Variants in SUGP1 observed in about 807,000 individuals in gnomAD.
SUGP1 encodes the protein SURP and G-patch domain-containing protein 1.
In SUGP1, 34 loss-of-function variants were observed where a neutral mutation model predicts 76.5. That is an observed-to-expected ratio of 0.44 (90% CI 0.34 to 0.59). SUGP1 has a LOEUF of 0.59. Among genes scored for constraint, SUGP1 ranks in the 20% least tolerant of loss-of-function variants. The probability of loss-of-function intolerance (pLI) is 0.01; values close to 1 mark genes in which losing one functional copy is unlikely to be tolerated. For missense variants in SUGP1, 752 were observed against 851.7 expected (o/e 0.88, Z 1.46); for synonymous variants, 326 against 326.2 (o/e 1.00, Z 0.01).
intron 11 of SUGP1, among the ~76,000 whole-genome samples, 180 bp from the exon 12 acceptor site, chr19:19,278,059 G>A (rs1302361626): frequency 6.6e-6 from 1 of 152,152 alleles, no homozygotes; most frequent in Non-Finnish European, 1.5e-5. Context: ...CAGGGTCCCC[G>A]GGGCCTTAGT....
At chr19:19,303,868 C>T (rs576239996) in intron 4 of SUGP1, 21 bp from the exon 5 acceptor site, 2 of 1,613,590 alleles carry the variant, frequency 1.2e-6, no homozygotes, top group Admixed American at 3.3e-5. Flanking sequence ...GCTGTCAGTA[C>T]TGGGGTTCAA....
intron 8 of SUGP1, among the ~76,000 whole-genome samples, chr19:19,294,865 A>C (rs888034087): frequency 6.6e-6 from 1 of 152,174 alleles, no homozygotes; most frequent in Admixed American, 6.6e-5. Context: ...TGTATGCATC[A>C]AAAGACGCTA....
chr19:19,296,232 T>C (rs2061224239), intron 8 of SUGP1, among the ~76,000 whole-genome samples: 1 of 152,088 alleles, frequency 6.6e-6, no homozygotes, highest in African/African-American at 2.4e-5. Flanking sequence ...GAATGTAAAA[T>C]GGTGCACCTG....
rs2094718249 is a variant in SUGP1, at chr19:19,297,173, G to A, written c.1059C>T (p.Cys353=). The A allele has an allele frequency of 6.2e-7, 1 of 1,611,180 alleles. No individual in the cohort carries two copies. Among genetic ancestry groups the A allele is most frequent in the South Asian group, 1.1e-5 (1 of 90,928 alleles). ...LSGSLPPATT[C]PASSTPAPTI... ...TGGGCGCAGGCGTGGACGAGGCGGGGCAGGTGGTGGCTGGGGGTAAGGACC... is the reference window on the plus strand; with the variant it reads ...TGGGCGCAGGCGTGGACGAGGCGGGACAGGTGGTGGCTGGGGGTAAGGACC... Residue 353 remains cysteine (C), a synonymous_variant, in exon 8 of 14, where the codon TGC becomes TGT. Transcript: ENST00000247001.
chr19:19,279,543 C>G (rs1200703035), intron 9 of SUGP1, among the ~76,000 whole-genome samples, 153 bp from the exon 10 acceptor site: 1 of 152,256 alleles, frequency 6.6e-6, no homozygotes, highest in Non-Finnish European at 1.5e-5. Context: ...CTAGCAAGTA[C>G]TGAGTACTGC....
intron 3 of SUGP1, among the ~76,000 whole-genome samples, chr19:19,309,727 G>C (rs986237875): frequency 1.3e-5 from 2 of 152,220 alleles, no homozygotes; most frequent in East Asian, 1.9e-4. Context: ...TGGATAACAT[G>C]ATGAAACCCC....
intron 7 of SUGP1, among the ~76,000 whole-genome samples, chr19:19,301,337 T>C (rs1432144913): frequency 2.0e-5 from 3 of 152,132 alleles, no homozygotes; most frequent in Admixed American, 1.3e-4. Flanking sequence ...CAGCTGAGCC[T>C]TGACCCTCCC....
intron 1 of SUGP1, among the ~76,000 whole-genome samples, chr19:19,319,400 G>A (rs1288428655): frequency 6.6e-6 from 1 of 151,570 alleles, no homozygotes; most frequent in East Asian, 2.0e-4. Flanking sequence ...CCCATAGCTG[G>A]CATTCATTGT....
chr19:19,309,713 A>T (rs1355230915), intron 3 of SUGP1, among the ~76,000 whole-genome samples: 3 of 152,162 alleles, frequency 2.0e-5, no homozygotes, highest in African/African-American at 7.2e-5. Context: ...GATCGAGACC[A>T]TCCTGGATAA....
chr19:19,318,611 G>T (rs2061412361), intron 1 of SUGP1, among the ~76,000 whole-genome samples: 1 of 151,966 alleles, frequency 6.6e-6, no homozygotes, highest in Non-Finnish European at 1.5e-5. Flanking sequence ...TTTATTTTTT[G>T]TAGAGACAGG....
intron 8 of SUGP1, among the ~76,000 whole-genome samples, chr19:19,291,485 T>TA (rs1446537219): frequency 6.6e-6 from 1 of 152,006 alleles, no homozygotes; most frequent in African/African-American, 2.4e-5. Context: ...CCCAACAAAT[T>TA]AGATAGATGA....
intron 10 of SUGP1, 121 bp from the exon 11 acceptor site, chr19:19,278,917 C>CTA (rs1334939302): frequency 1.9e-6 from 2 of 1,037,158 alleles, no homozygotes; most frequent in African/African-American, 1.6e-5. Flanking sequence ...GGGAAGGAGG[C>CTA]GGCTAGGCCA....
At chr19:19,312,383 T>C (rs1307232155) in intron 2 of SUGP1, among the ~76,000 whole-genome samples, 2 of 152,242 alleles carry the variant, frequency 1.3e-5, no homozygotes, top group African/African-American at 4.8e-5. Flanking sequence ...GCACACACTC[T>C]ACTTCTTCCA....
intron 8 of SUGP1, among the ~76,000 whole-genome samples, chr19:19,287,015 C>T (rs894887609): frequency 6.6e-6 from 1 of 152,170 alleles, no homozygotes; most frequent in African/African-American, 2.4e-5. Flanking sequence ...TGGCTCACGC[C>T]TGTAATCCCA....
At chr19:19,313,016 A>G (rs1213548352) in intron 2 of SUGP1, among the ~76,000 whole-genome samples, 3 of 151,696 alleles carry the variant, frequency 2.0e-5, no homozygotes, top group African/African-American at 7.3e-5. Context: ...AATAAAATAA[A>G]TAAATAAAAA....
intron 8 of SUGP1, among the ~76,000 whole-genome samples, chr19:19,283,134 T>G (rs918084238): frequency 6.6e-6 from 1 of 152,022 alleles, no homozygotes. Flanking sequence ...TAGATGCTAG[T>G]CTGTTTTATC....
At chr19:19,279,627 G>A (rs2061081782) in intron 9 of SUGP1, among the ~76,000 whole-genome samples, 1 of 152,220 alleles carries the variant, frequency 6.6e-6, no homozygotes, top group South Asian at 2.1e-4. Flanking sequence ...TCAGGGTCCT[G>A]ACCCCTGGGA....
chr19:19,292,177 G>A (rs1465376576), intron 8 of SUGP1, among the ~76,000 whole-genome samples: 2 of 149,888 alleles, frequency 1.3e-5, no homozygotes, highest in East Asian at 2.0e-4. Context: ...GGAGGCTGAC[G>A]TAGGAGAATT....
intron 1 of SUGP1, among the ~76,000 whole-genome samples, chr19:19,319,042 A>T (rs928060652): frequency 9.1e-6 from 1 of 109,566 alleles, no homozygotes. Flanking sequence ...ACATGGTGAT[A>T]CCCCGTCTCT....
Sources: gnomAD v4.1 joint callset for allele counts (sites outside exome capture counted in the v4.1 genomes callset) on GRCh38, gnomAD v4.1.1 for gene constraint, MANE v1.5 for transcripts, NCBI Gene and HGNC (gene_info 2026-07-23, HGNC 2026-07-21) for gene names.